NR3C2: variants seen among roughly 807,000 people sequenced by gnomAD.
NR3C2 encodes mineralocorticoid receptor.
A neutral mutation model predicts 86.4 loss-of-function variants in NR3C2; 15 were observed. The ratio of observed to expected loss-of-function variants is 0.17; its 90% CI spans 0.12 to 0.27. NR3C2 has a LOEUF of 0.27. Among genes scored for constraint, NR3C2 ranks in the 10% least tolerant of loss-of-function variants. The pLI is 1.00. For missense variants in NR3C2, 960 were observed against 1,195.6 expected (o/e 0.80, Z 2.91); for synonymous variants, 458 against 450.5 (o/e 1.02, Z -0.21).
chr4:148,388,832 C>T (rs574625977), intron 2 of NR3C2, among the ~76,000 whole-genome samples: 98 of 152,282 alleles, frequency 6.4e-4, no homozygotes, highest in Non-Finnish European at 1.1e-3. Flanking sequence ...AGAAGGTGTA[C>T]TTTCCCTACT....
intron 2 of NR3C2, among the ~76,000 whole-genome samples, chr4:148,291,159 C>T (rs1391005204): frequency 6.6e-6 from 1 of 152,008 alleles, no homozygotes; most frequent in African/African-American, 2.4e-5. Context: ...TATTTAAAGG[C>T]CAAAAAGCAT....
chr4:148,420,371 C>T (rs904361622), intron 2 of NR3C2, among the ~76,000 whole-genome samples: 2 of 152,160 alleles, frequency 1.3e-5, no homozygotes, highest in African/African-American at 2.4e-5. Flanking sequence ...TAATATGAGA[C>T]GGGTCCTTGT....
chr4:148,082,366 G>T (rs762850874), intron 8 of NR3C2, among the ~76,000 whole-genome samples: 2 of 152,144 alleles, frequency 1.3e-5, no homozygotes, highest in African/African-American at 2.4e-5. Flanking sequence ...TGAGGTACCC[G>T]GCTTATCTCA....
At chr4:148,293,869 C>A (rs896647792) in intron 2 of NR3C2, among the ~76,000 whole-genome samples, 1 of 152,168 alleles carries the variant, frequency 6.6e-6, no homozygotes, top group Non-Finnish European at 1.5e-5. Flanking sequence ...CCACCAGTGA[C>A]CTATGCATAC....
At chr4:148,285,496 C>T (rs891866257) in intron 2 of NR3C2, among the ~76,000 whole-genome samples, 3 of 152,172 alleles carry the variant, frequency 2.0e-5, no homozygotes, top group African/African-American at 4.8e-5. Flanking sequence ...ATCACGAGGT[C>T]AAGAGATTGA....
intron 2 of NR3C2, among the ~76,000 whole-genome samples, chr4:148,324,331 C>CTGTGTGTGTGTGTGTG (rs374839889): frequency 2.1e-5 from 3 of 141,804 alleles, no homozygotes; most frequent in African/African-American, 8.0e-5. Context: ...TAATATTCCT[C>CTGTGTGTGTGTGTGTG]TGTGTGTGTG....
At chr4:148,346,422 C>T (rs10857233) in intron 2 of NR3C2, among the ~76,000 whole-genome samples, 3 of 151,628 alleles carry the variant, frequency 2.0e-5, no homozygotes, top group Admixed American at 6.6e-5. Flanking sequence ...GCAGGCTGGG[C>T]GAAGGAAGAG....
chr4:148,316,286 GGTTT>G (rs1340275470), intron 2 of NR3C2, among the ~76,000 whole-genome samples: 4 of 151,822 alleles, frequency 2.6e-5, no homozygotes, highest in Admixed American at 1.3e-4. Flanking sequence ...GAATAATTTT[GGTTT>G]GTTTATGCTT....
chr4:148,292,839 A>G (rs1211023016), intron 2 of NR3C2, among the ~76,000 whole-genome samples: 1 of 152,168 alleles, frequency 6.6e-6, no homozygotes, highest in Non-Finnish European at 1.5e-5. Context: ...GTTAAAGTCT[A>G]TAGAAAAATA....
At chr4:148,184,364 C>G (rs993950769) in intron 4 of NR3C2, among the ~76,000 whole-genome samples, 43 of 150,752 alleles carry the variant, frequency 2.9e-4, no homozygotes, top group Admixed American at 2.6e-4. Context: ...GAGGCTGAGG[C>G]AGGAGAATCG....
In NR3C2 at chr4:148,435,556, T is replaced by C. The variant is rs140710365; in HGVS notation, c.1305A>G (p.Ser435=). The change falls in exon 2 of 9, where the codon TCA becomes TCG. Residue 435 remains serine (S), a synonymous_variant. Coordinates refer to ENST00000358102, the MANE Select transcript of NR3C2 (RefSeq NM_000901.5). ...TCCCTTTAAAAGAGGTGCCTGAACA[T>C]GAATGCTTGGTTGATTCTTGCTTTA... The part of the protein sequence containing the change: ...VPIKQESTKH[S]CSGTSFKGNP... The C allele has an allele frequency of 3.1e-6, 5 of 1,614,088 alleles. No individual in the cohort carries two copies. Among genetic ancestry groups the C allele is most frequent in the East Asian group, 4.5e-5 (2 of 44,882 alleles).
At chr4:148,323,402 TC>T in intron 2 of NR3C2, among the ~76,000 whole-genome samples, 1 of 147,584 alleles carries the variant, frequency 6.8e-6, no homozygotes, top group African/African-American at 2.6e-5. Flanking sequence ...TGTGGTGGGC[TC>T]CACCCAGTTC....
chr4:148,319,435 G>A (rs1274641816), intron 2 of NR3C2, among the ~76,000 whole-genome samples: 2 of 151,950 alleles, frequency 1.3e-5, no homozygotes, highest in East Asian at 1.9e-4. Flanking sequence ...TAGCTTGATG[G>A]GGATGGCATT....
intron 2 of NR3C2, among the ~76,000 whole-genome samples, chr4:148,355,633 C>G (rs1745516099): frequency 6.6e-6 from 1 of 152,170 alleles, no homozygotes; most frequent in African/African-American, 2.4e-5. Context: ...CAGCTCTCAT[C>G]CCCTACAGGA....
At chr4:148,392,429 T>C (rs1747635226) in intron 2 of NR3C2, among the ~76,000 whole-genome samples, 1 of 152,254 alleles carries the variant, frequency 6.6e-6, no homozygotes, top group Non-Finnish European at 1.5e-5. Context: ...ATTGAAGTTG[T>C]GTTTTTCCCA....
chr4:148,279,229 A>G (rs1438857368), intron 2 of NR3C2, among the ~76,000 whole-genome samples: 5 of 152,182 alleles, frequency 3.3e-5, no homozygotes, highest in Non-Finnish European at 7.4e-5. Context: ...GTACTGTCAA[A>G]GGGTGAAAAA....
intron 7 of NR3C2, among the ~76,000 whole-genome samples, chr4:148,115,037 G>A (rs984613695): frequency 3.3e-5 from 5 of 152,190 alleles, no homozygotes; most frequent in African/African-American, 4.8e-5. Flanking sequence ...TGGTTTATGC[G>A]TGTGAGGGGG....
intron 8 of NR3C2, among the ~76,000 whole-genome samples, chr4:148,106,837 T>C (rs1731819950): frequency 6.6e-6 from 1 of 152,172 alleles, no homozygotes; most frequent in Non-Finnish European, 1.5e-5. Context: ...ACCCCTTCCT[T>C]ACACCTTATA....
At chr4:148,405,937 C>T (rs566794250) in intron 2 of NR3C2, among the ~76,000 whole-genome samples, 11 of 152,246 alleles carry the variant, frequency 7.2e-5, no homozygotes, top group East Asian at 1.9e-4. Context: ...TGAGGTCAGA[C>T]GGTCAAGACC....
Sources: allele counts gnomAD v4.1 joint callset (sites outside exome capture counted in the v4.1 genomes callset), GRCh38; gene constraint gnomAD v4.1.1; transcripts MANE v1.5; gene names NCBI Gene and HGNC (gene_info 2026-07-23, HGNC 2026-07-21).